Variants in PTPRT observed in about 807,000 individuals in gnomAD.
PTPRT encodes the protein receptor-type tyrosine-protein phosphatase T.
A neutral mutation model predicts 176.8 loss-of-function variants in PTPRT; 56 were observed. That is an observed-to-expected ratio of 0.32 (90% CI 0.26 to 0.40). PTPRT has a LOEUF of 0.40. Ranked by LOEUF, PTPRT falls within the 10% of genes least tolerant of loss-of-function variation. The probability of loss-of-function intolerance (pLI) is 1.00; values close to 1 mark genes in which losing one functional copy is unlikely to be tolerated. For synonymous variants in PTPRT, 783 were observed against 739.0 expected (o/e 1.06, Z -0.96); for missense variants, 1,540 against 1,908.2 (o/e 0.81, Z 3.60).
Position 42,866,492 on chromosome 20 carries a change from T to A in PTPRT, c.214+19315A>T, listed in dbSNP as rs1382771913. On this transcript the variant is annotated intron_variant, in intron 2 of 30. Coordinates refer to ENST00000373187, the MANE Select transcript of PTPRT (RefSeq NM_007050.6). ...TACAGCTAACATCCCCATTCATGCC[T>A]GATCAGTTCCCTCCTGGTCCACTGC... 2.6e-5 allele frequency among the ~76,000 whole-genome samples: 4 copies of A among 152,308 alleles called. No homozygotes were observed. In the East Asian group the frequency reaches 7.7e-4, roughly 29 times the overall value.
At chr20:42,668,989 CG>C (rs978035533) in intron 7 of PTPRT, among the ~76,000 whole-genome samples, 2 of 149,986 alleles carry the variant, frequency 1.3e-5, no homozygotes, top group Non-Finnish European at 2.9e-5. Context: ...GGATTACAGG[CG>C]TGAGTCACCA....
chr20:42,640,471 C>T (rs1021356281), intron 7 of PTPRT, among the ~76,000 whole-genome samples: 7 of 152,088 alleles, frequency 4.6e-5, no homozygotes, highest in Non-Finnish European at 1.0e-4. Flanking sequence ...TCTTGGCTCA[C>T]TGCAACCTTT....
chr20:42,572,429 G>T (rs2073172949), intron 7 of PTPRT, among the ~76,000 whole-genome samples: 1 of 151,488 alleles, frequency 6.6e-6, no homozygotes, highest in South Asian at 2.1e-4. Flanking sequence ...TACCTTCTCT[G>T]CTGTGGCCAC....
At chr20:42,980,875 A>C (rs1339289119) in intron 1 of PTPRT, among the ~76,000 whole-genome samples, 2 of 152,314 alleles carry the variant, frequency 1.3e-5, no homozygotes, top group Non-Finnish European at 2.9e-5. Context: ...TGTCTTTCTC[A>C]AGGACCTGGG....
chr20:42,148,453 C>T (rs1171768728), intron 17 of PTPRT, among the ~76,000 whole-genome samples: 1 of 152,096 alleles, frequency 6.6e-6, no homozygotes, highest in African/African-American at 2.4e-5. Flanking sequence ...CAAGAATATA[C>T]ATTGAGTCTG....
At chr20:42,294,905 G>T (rs1212486961) in intron 12 of PTPRT, among the ~76,000 whole-genome samples, 4 of 151,996 alleles carry the variant, frequency 2.6e-5, no homozygotes, top group African/African-American at 9.7e-5. Context: ...GGGCACTAAA[G>T]AAAGACAGAA....
chr20:42,614,571 T>C (rs1268621972), intron 7 of PTPRT, among the ~76,000 whole-genome samples: 3 of 152,064 alleles, frequency 2.0e-5, no homozygotes, highest in African/African-American at 7.2e-5. Context: ...TGCAGCTTTT[T>C]TCAACTTTCA....
At chr20:42,786,006 C>T (rs2077284328) in intron 3 of PTPRT, among the ~76,000 whole-genome samples, 1 of 152,148 alleles carries the variant, frequency 6.6e-6, no homozygotes, top group Admixed American at 6.5e-5. Context: ...TGGTTTTCCC[C>T]ATACTGTTCT....
At chr20:42,677,602 C>T (rs2075528340) in intron 7 of PTPRT, among the ~76,000 whole-genome samples, 1 of 152,076 alleles carries the variant, frequency 6.6e-6, no homozygotes, top group Non-Finnish European at 1.5e-5. Context: ...AGGAACCTCC[C>T]GTGACCCAGC....
chr20:43,174,890 T>C (rs935599038), intron 1 of PTPRT, among the ~76,000 whole-genome samples: 7 of 152,250 alleles, frequency 4.6e-5, no homozygotes, highest in Admixed American at 1.3e-4. Flanking sequence ...TTATCAAAGA[T>C]ATCCAATGAT....
chr20:43,077,175 G>C (rs774536798), intron 1 of PTPRT, among the ~76,000 whole-genome samples: 1 of 152,228 alleles, frequency 6.6e-6, no homozygotes, highest in African/African-American at 2.4e-5. Context: ...GAAAAAAAGA[G>C]TGTAAGATTG....
intron 16 of PTPRT, among the ~76,000 whole-genome samples, chr20:42,186,320 C>T (rs546245128): frequency 6.6e-6 from 1 of 152,020 alleles, no homozygotes; most frequent in Admixed American, 6.5e-5. Context: ...AAGCTTTATT[C>T]TAATAAAGAC....
intron 16 of PTPRT, among the ~76,000 whole-genome samples, chr20:42,198,955 T>G (rs1437837115): frequency 6.6e-6 from 1 of 152,218 alleles, no homozygotes; most frequent in African/African-American, 2.4e-5. Flanking sequence ...TCTTTCTTTT[T>G]TACTGCTATT....
chr20:43,103,790 C>T (rs2012490119), intron 1 of PTPRT, among the ~76,000 whole-genome samples: 1 of 136,062 alleles, frequency 7.3e-6, no homozygotes, highest in Non-Finnish European at 1.6e-5. Context: ...AAAAAGATTC[C>T]TTAGGGTAGT....
intron 9 of PTPRT, among the ~76,000 whole-genome samples, chr20:42,353,900 T>TA (rs1387971847): frequency 6.6e-6 from 1 of 151,984 alleles, no homozygotes; most frequent in Non-Finnish European, 1.5e-5. Flanking sequence ...TACAAAGTAT[T>TA]AAAAAATTAG....
At chr20:42,038,273 G>A in the PTPRT span, among the ~76,000 whole-genome samples, 1 of 152,142 alleles carries the variant, frequency 6.6e-6, no homozygotes, top group South Asian at 2.1e-4. Flanking sequence ...GCTCCCTCAA[G>A]GTGACACAGC....
chr20:42,044,404 AAAG>A, the PTPRT span, among the ~76,000 whole-genome samples: 1 of 152,206 alleles, frequency 6.6e-6, no homozygotes, highest in African/African-American at 2.4e-5. Context: ...CTGGTTTTCC[AAAG>A]AAGATGATTC....
At chr20:42,644,038 T>C (rs186303141) in intron 7 of PTPRT, among the ~76,000 whole-genome samples, 4 of 152,176 alleles carry the variant, frequency 2.6e-5, no homozygotes, top group Non-Finnish European at 5.9e-5. Context: ...GCTCTTAAAA[T>C]CCAGGCTGTG....
At chr20:42,940,222 A>C (rs1026548891) in intron 1 of PTPRT, among the ~76,000 whole-genome samples, 4 of 152,192 alleles carry the variant, frequency 2.6e-5, no homozygotes, top group African/African-American at 9.7e-5. Flanking sequence ...ATTTGAATAT[A>C]GTTTCTTCTA....
Sources: gnomAD v4.1 joint callset for allele counts (sites outside exome capture counted in the v4.1 genomes callset) on GRCh38, gnomAD v4.1.1 for gene constraint, MANE v1.5 for transcripts, NCBI Gene and HGNC (gene_info 2026-07-23, HGNC 2026-07-21) for gene names.